ABI2: variants seen among roughly 807,000 people sequenced by gnomAD.
The protein encoded by ABI2 is abelson interactor 2.
A neutral mutation model predicts 59.2 loss-of-function variants in ABI2; 25 were observed. The ratio of observed to expected loss-of-function variants is 0.42; its 90% CI spans 0.31 to 0.59. The LOEUF (loss-of-function observed/expected upper bound fraction) is 0.59. ABI2 is among the 20% of genes least tolerant of loss of function. ABI2 has a pLI of 0.14. For synonymous variants in ABI2, 213 were observed against 235.5 expected (o/e 0.90, Z 0.87); for missense variants, 545 against 681.8 (o/e 0.80, Z 2.23).
intron 9 of ABI2, among the ~76,000 whole-genome samples, chr2:203,408,450 A>G (rs1019478646): frequency 1.3e-5 from 2 of 148,224 alleles, no homozygotes; most frequent in African/African-American, 5.0e-5. Flanking sequence ...GGCATGAGCC[A>G]CCGTGCCTGG....
At chr2:203,363,931 ATTTTGTAT>A (rs1420413745) in intron 1 of ABI2, among the ~76,000 whole-genome samples, 1 of 150,138 alleles carries the variant, frequency 6.7e-6, no homozygotes, top group East Asian at 2.0e-4. Context: ...TGCCTGGCTA[ATTTTGTAT>A]TTTTAGTAGA....
At chr2:203,384,493 A>G (rs2096371181) in intron 4 of ABI2, among the ~76,000 whole-genome samples, 1 of 151,632 alleles carries the variant, frequency 6.6e-6, no homozygotes, top group African/African-American at 2.4e-5. Flanking sequence ...AATTTTTTGT[A>G]GAGATGGGGT....
intron 1 of ABI2, among the ~76,000 whole-genome samples, chr2:203,329,946 A>G (rs1265823470): frequency 1.3e-5 from 2 of 152,086 alleles, no homozygotes; most frequent in Non-Finnish European, 2.9e-5. Flanking sequence ...CATGTTGACC[A>G]GACTGGTCTC....
At chr2:203,348,299 A>G (rs2085065076) in intron 1 of ABI2, among the ~76,000 whole-genome samples, 1 of 152,182 alleles carries the variant, frequency 6.6e-6, no homozygotes, top group Non-Finnish European at 1.5e-5. Context: ...AGTATTTTAA[A>G]GTTTGTTTAT....
chr2:203,364,599 A>G (rs1352852473), intron 1 of ABI2, among the ~76,000 whole-genome samples: 1 of 152,208 alleles, frequency 6.6e-6, no homozygotes, highest in African/African-American at 2.4e-5. Flanking sequence ...CGAGCATGCA[A>G]ATGTAAAATA....
intron 2 of ABI2, among the ~76,000 whole-genome samples, chr2:203,377,271 C>G (rs2095768512): frequency 6.6e-6 from 1 of 152,120 alleles, no homozygotes; most frequent in Non-Finnish European, 1.5e-5. Flanking sequence ...CTATGATTGT[C>G]CCATTGCACT....
intron 4 of ABI2, among the ~76,000 whole-genome samples, chr2:203,390,354 G>T (rs571355436): frequency 1.3e-4 from 20 of 152,178 alleles, no homozygotes; most frequent in Middle Eastern, 3.4e-3. Context: ...GTTACTGGCC[G>T]GGTGCAGTGG....
chr2:203,350,307 C>T (rs2086961863), intron 1 of ABI2, among the ~76,000 whole-genome samples: 1 of 152,074 alleles, frequency 6.6e-6, no homozygotes, highest in South Asian at 2.1e-4. Flanking sequence ...GAACTCTTGA[C>T]CTCAGGTGAT....
chr2:203,370,129 G>T (rs1465682148), intron 2 of ABI2, among the ~76,000 whole-genome samples: 4 of 151,504 alleles, frequency 2.6e-5, no homozygotes, highest in African/African-American at 4.9e-5. Flanking sequence ...GGTTTTGTGG[G>T]CCATGTGTTG....
At chr2:203,367,073 T>G in intron 2 of ABI2, 29 bp downstream of exon 2, 1 of 1,593,778 alleles carries the variant, frequency 6.3e-7, no homozygotes, top group East Asian at 2.3e-5. Context: ...CCTATTTGCC[T>G]ATGAGGAACC....
chr2:203,377,095 A>G (rs2095756119), intron 2 of ABI2, among the ~76,000 whole-genome samples: 1 of 152,152 alleles, frequency 6.6e-6, no homozygotes, highest in Non-Finnish European at 1.5e-5. Flanking sequence ...AGGCAGGAGC[A>G]TTGTTTGAGG....
intron 2 of ABI2, among the ~76,000 whole-genome samples, chr2:203,376,779 A>G (rs1266605753): frequency 7.1e-6 from 1 of 140,314 alleles, no homozygotes; most frequent in Non-Finnish European, 1.5e-5. Context: ...GGTTTGGGCT[A>G]AGTGTGTGTT....
intron 4 of ABI2, among the ~76,000 whole-genome samples, chr2:203,388,481 G>A (rs188722498): frequency 5.3e-5 from 8 of 152,182 alleles, no homozygotes; most frequent in Admixed American, 1.3e-4. Context: ...TCAGGAGTTC[G>A]AGACTAGCCT....
chr2:203,353,856 G>A (rs996790499), intron 1 of ABI2, among the ~76,000 whole-genome samples: 11 of 152,076 alleles, frequency 7.2e-5, no homozygotes, highest in Admixed American at 7.2e-4. Context: ...ATGTCCATGT[G>A]ATATGCCCAT....
intron 2 of ABI2, among the ~76,000 whole-genome samples, chr2:203,376,956 CTG>C (rs1331167235): frequency 1.3e-5 from 2 of 152,086 alleles, no homozygotes; most frequent in African/African-American, 4.8e-5. Flanking sequence ...TAAAATATTA[CTG>C]TGTGTTAGTG....
chr2:203,330,164 A>AG (rs1422220142), intron 1 of ABI2, among the ~76,000 whole-genome samples: 2 of 151,166 alleles, frequency 1.3e-5, no homozygotes, highest in Admixed American at 1.3e-4. Flanking sequence ...TTGTTTGATT[A>AG]GACATACTGT....
At chr2:203,396,360 T>C (rs766120063) in intron 7 of ABI2, among the ~76,000 whole-genome samples, 2 of 152,096 alleles carry the variant, frequency 1.3e-5, no homozygotes, top group Non-Finnish European at 2.9e-5. Flanking sequence ...TCATAAAGAT[T>C]TGTGTTTTAA....
At chr2:203,382,037 C>CT (rs1161475782) in intron 3 of ABI2, among the ~76,000 whole-genome samples, 152 bp from the exon 4 acceptor site, 22 of 152,206 alleles carry the variant, frequency 1.4e-4, no homozygotes, top group Admixed American at 1.4e-3. Flanking sequence ...TTTAACCACT[C>CT]TTTCTATGAT....
rs534506187 is a variant in ABI2, at chr2:203,396,368, TA to T, written c.851-409del. ...TTAAAAATCATAAAGATTTGTGTTT[TA>T]AAAAAAATTTTTAATCTGATAATAT... is the stretch of plus-strand genomic sequence containing the variant. On this transcript the variant is annotated intron_variant, in intron 7 of 11. Transcript: ENST00000261018. Among the ~76,000 whole-genome samples the T allele has an allele frequency of 1.2e-3, 189 of 152,254 alleles. 1 individual carries two copies. Among genetic ancestry groups the T allele is most frequent in the Admixed American group, 1.8e-3 (28 of 15,298 alleles).
Sources: gnomAD v4.1 joint callset for allele counts (sites outside exome capture counted in the v4.1 genomes callset) on GRCh38, gnomAD v4.1.1 for gene constraint, MANE v1.5 for transcripts, NCBI Gene and HGNC (gene_info 2026-07-23, HGNC 2026-07-21) for gene names.